The following GABRA3 variants were observed in gnomAD, a reference collection of about 807,000 sequenced individuals.
GABRA3 encodes gamma-aminobutyric acid receptor subunit alpha-3.
In GABRA3, 10 loss-of-function variants were observed where a neutral mutation model predicts 30.1. That is an observed-to-expected ratio of 0.33 (90% CI 0.20 to 0.56). GABRA3 has a LOEUF of 0.56. Among genes scored for constraint, GABRA3 ranks in the 20% least tolerant of loss-of-function variants. The probability of loss-of-function intolerance (pLI) is 0.89; values close to 1 mark genes in which losing one functional copy is unlikely to be tolerated. For synonymous variants in GABRA3, 151 were observed against 146.8 expected (o/e 1.03, Z -0.21); for missense variants, 233 against 392.0 (o/e 0.59, Z 3.42).
intron 9 of GABRA3, among the ~76,000 whole-genome samples, chrX:152,169,102 T>TCTA (rs1039491919): frequency 8.9e-6 from 1 of 112,280 alleles, no homozygotes; most frequent in African/African-American, 3.2e-5. Context: ...TGTGCTGCTT[T>TCTA]CTATAGGCCC....
chrX:152,441,138 C>T (rs1334261249), intron 1 of GABRA3, among the ~76,000 whole-genome samples: 2 of 111,156 alleles, frequency 1.8e-5, no homozygotes, highest in African/African-American at 3.3e-5. Flanking sequence ...TTTCTCTATC[C>T]TTATTGTGGT....
chrX:152,339,647 A>C (rs1940285659), intron 3 of GABRA3, among the ~76,000 whole-genome samples: 1 of 111,823 alleles, frequency 8.9e-6, no homozygotes, highest in Non-Finnish European at 1.9e-5. Context: ...CAGTTAGGTG[A>C]AGTTGGTTGT....
chrX:152,372,796 T>A (rs995814442), intron 1 of GABRA3, among the ~76,000 whole-genome samples: 6 of 112,175 alleles, frequency 5.3e-5, no homozygotes, highest in Non-Finnish European at 9.4e-5. Flanking sequence ...AAGGAAAACT[T>A]TTCTGTTCTC....
intron 5 of GABRA3, among the ~76,000 whole-genome samples, chrX:152,237,807 G>A (rs1300706569): frequency 1.9e-5 from 2 of 107,282 alleles, no homozygotes; most frequent in East Asian, 6.0e-4. Context: ...TGTTGTTGGT[G>A]TATAAGAATG....
At chrX:152,239,617 G>A (rs1938311397) in intron 5 of GABRA3, among the ~76,000 whole-genome samples, 1 of 91,997 alleles carries the variant, frequency 1.1e-5, no homozygotes, top group East Asian at 3.9e-4. Flanking sequence ...CATTATTATT[G>A]TGTGGGAGTC....
intron 1 of GABRA3, among the ~76,000 whole-genome samples, chrX:152,368,793 C>T (rs1296967747): frequency 4.0e-5 from 4 of 100,082 alleles, no homozygotes; most frequent in Non-Finnish European, 8.0e-5. Flanking sequence ...GCAAGCTCTG[C>T]CTCCTGGGTT....
At chrX:152,388,314 A>G (rs745916194) in intron 1 of GABRA3, among the ~76,000 whole-genome samples, 61 of 111,910 alleles carry the variant, frequency 5.5e-4, no homozygotes, top group African/African-American at 1.9e-3. Flanking sequence ...CGTTCAATCA[A>G]TGAGTGCCCA....
chrX:152,385,333 G>A (rs926363531), intron 1 of GABRA3, among the ~76,000 whole-genome samples: 3 of 111,816 alleles, frequency 2.7e-5, no homozygotes, highest in African/African-American at 9.8e-5. Flanking sequence ...ACACTGTTCT[G>A]TAAAAACAGA....
At chrX:152,361,105 A>AG (rs1556786037) in intron 2 of GABRA3, among the ~76,000 whole-genome samples, 2 of 107,686 alleles carry the variant, frequency 1.9e-5, no homozygotes, top group Non-Finnish European at 3.8e-5. Flanking sequence ...AAAAAAAAAA[A>AG]AAAGAAAGAA....
intron 9 of GABRA3, among the ~76,000 whole-genome samples, chrX:152,183,580 G>T (rs1173191802): frequency 9.1e-6 from 1 of 109,365 alleles, no homozygotes; most frequent in Non-Finnish European, 1.9e-5. Context: ...TTTAGTCTTT[G>T]CTTCTTTCTA....
chrX:152,434,708 C>T (rs1202770562), intron 1 of GABRA3, among the ~76,000 whole-genome samples: 3 of 111,885 alleles, frequency 2.7e-5, no homozygotes, highest in Non-Finnish European at 5.7e-5. Flanking sequence ...TAGAATGGTT[C>T]TATGGGAAAT....
chrX:152,201,232 C>T lies in GABRA3; in HGVS notation c.779-3447G>A, dbSNP rs373457059. 9.0e-5 allele frequency among the ~76,000 whole-genome samples: 10 copies of T among 111,070 alleles called. No individual in the cohort carries two copies. The East Asian group carries it at 2.5e-3, about 28-fold the overall frequency. On this transcript the variant is annotated intron_variant, in intron 7 of 9. Coordinates refer to ENST00000370314, the MANE Select transcript of GABRA3 (RefSeq NM_000808.4). Reference sequence around the variant, plus strand: ...ATCTTCTTCTCTGCCAAAGAGAGAACTGAAACTTTAATCAAATTGGAAGAT... The same window carrying T: ...ATCTTCTTCTCTGCCAAAGAGAGAATTGAAACTTTAATCAAATTGGAAGAT...
intron 1 of GABRA3, among the ~76,000 whole-genome samples, chrX:152,387,507 A>C (rs1055061690): frequency 1.8e-5 from 2 of 111,641 alleles, no homozygotes; most frequent in African/African-American, 6.5e-5. Flanking sequence ...ATAGCTGTTG[A>C]CTTAGTGGTT....
At chrX:152,273,691 A>C (rs1938989937) in intron 4 of GABRA3, among the ~76,000 whole-genome samples, 2 of 112,265 alleles carry the variant, frequency 1.8e-5, no homozygotes, top group South Asian at 7.4e-4. Context: ...TAATCACAGA[A>C]AGACAAATAT....
chrX:152,210,152 A>AT (rs761690083), intron 6 of GABRA3, among the ~76,000 whole-genome samples: 1 of 111,874 alleles, frequency 8.9e-6, no homozygotes, highest in Non-Finnish European at 1.9e-5. Context: ...TTCATTGTGC[A>AT]TTTTTTCTAT....
At chrX:152,300,874 T>A (rs1424584520) in intron 3 of GABRA3, among the ~76,000 whole-genome samples, 1 of 111,772 alleles carries the variant, frequency 8.9e-6, no homozygotes, top group Non-Finnish European at 1.9e-5. Flanking sequence ...ATAGCCTTAT[T>A]GGATAATAGG....
intron 6 of GABRA3, 122 bp from the exon 7 acceptor site, chrX:152,208,266 C>T: frequency 1.5e-6 from 1 of 673,620 alleles, no homozygotes; most frequent in Admixed American, 3.4e-5. Context: ...GGTATGTGGT[C>T]TGTCTTCAAC....
chrX:152,220,763 T>C (rs963092460), intron 6 of GABRA3, among the ~76,000 whole-genome samples: 1 of 110,975 alleles, frequency 9.0e-6, no homozygotes, highest in African/African-American at 3.3e-5. Flanking sequence ...GGGTGTGTAC[T>C]GGTAGCCTTT....
chrX:152,368,580 G>A (rs1928722361), intron 1 of GABRA3, among the ~76,000 whole-genome samples: 1 of 110,201 alleles, frequency 9.1e-6, no homozygotes, highest in Non-Finnish European at 1.9e-5. Context: ...TGGTTATTGT[G>A]AATAACGCTG....
Sources: gnomAD v4.1 joint callset for allele counts (sites outside exome capture counted in the v4.1 genomes callset) on GRCh38, gnomAD v4.1.1 for gene constraint, MANE v1.5 for transcripts, NCBI Gene and HGNC (gene_info 2026-07-23, HGNC 2026-07-21) for gene names.